Variants in PCDHA2 observed in about 807,000 individuals in gnomAD.
PCDHA2 encodes the protein protocadherin alpha-2.
Under a neutral mutation model 66.0 loss-of-function variants are expected in PCDHA2, and 58 were observed. The observed-to-expected ratio is 0.88, with a 90% CI of 0.71 to 1.09. PCDHA2 has a LOEUF of 1.09. PCDHA2 is among the 50% of genes least tolerant of loss of function. PCDHA2 has a pLI of 0.00. For missense variants in PCDHA2, 1,267 were observed against 1,242.3 expected, an observed-to-expected ratio of 1.02 and a Z score of -0.30; for synonymous variants, 634 against 554.0, an observed-to-expected ratio of 1.14 and a Z score of -2.03.
intron 1 of PCDHA2, chr5:140,928,095 G>A (rs782045221): frequency 6.2e-7 from 1 of 1,614,190 alleles, no homozygotes; most frequent in African/African-American, 1.3e-5. Flanking sequence ...TGATTGATGG[G>A]CCCCTGGACC....
intron 1 of PCDHA2, among the ~76,000 whole-genome samples, chr5:140,917,330 A>AGGGGGGGGGGG (rs1425400137): frequency 9.7e-6 from 1 of 103,190 alleles, no homozygotes. Flanking sequence ...GTGGCGGGGG[A>AGGGGGGGGGGG]GGGGGGGGAT....
chr5:140,850,234 T>A lies in PCDHA2; in HGVS notation c.2388+52882T>A, dbSNP rs2150474836. The A allele has an allele frequency of 8.5e-5, 136 of 1,593,694 alleles. 18 individuals carry two copies. Among genetic ancestry groups the A allele is most frequent in the Non-Finnish European group, 1.1e-4 (134 of 1,167,462 alleles). Reference sequence around the variant, plus strand: ...GGCACTGACGGCGCAGTGAGCGAGATGGTGCTGCGGTCGGTGGGCGCCGGC... The same window carrying A: ...GGCACTGACGGCGCAGTGAGCGAGAAGGTGCTGCGGTCGGTGGGCGCCGGC... On this transcript the variant is annotated intron_variant, in intron 1 of 3. Coordinates refer to ENST00000526136, the MANE Select transcript of PCDHA2 (RefSeq NM_018905.3).
intron 1 of PCDHA2, chr5:140,830,847 A>G (rs1474547924): frequency 6.5e-6 from 1 of 153,834 alleles, no homozygotes; most frequent in Non-Finnish European, 1.4e-5. Context: ...TTTTACATAT[A>G]CTCTTTTTTG....
In PCDHA2 at chr5:140,830,599, CAT is replaced by C. The variant is rs1289049837; in HGVS notation, c.2388+33250_2388+33251del. On this transcript the variant is annotated intron_variant, in intron 1 of 3. Coordinates refer to ENST00000526136, the MANE Select transcript of PCDHA2 (RefSeq NM_018905.3). ...ATTTTTAATTAATTTTACAAAATTA[CAT>C]ATTTTCATTTTATTGTGTTTCTTAT... The C allele has an allele frequency of 6.0e-6, 4 of 668,838 alleles. No individual in the cohort carries two copies. The African/African-American group carries it at 7.6e-5, about 13-fold the overall frequency. The allele number at this position is 668,838 out of a possible 1,614,324, so 41.4% of individuals were successfully genotyped here. A position where few individuals can be genotyped will look rare whatever the true frequency, so the allele number is the denominator to read the frequency against.
intron 1 of PCDHA2, among the ~76,000 whole-genome samples, chr5:140,897,495 A>G (rs1208374175): frequency 1.2e-4 from 19 of 152,006 alleles, no homozygotes; most frequent in Admixed American, 9.8e-4. Flanking sequence ...AATTTCAACC[A>G]TGTCCCTACA....
chr5:140,916,520 G>C (rs1339531103), intron 1 of PCDHA2, among the ~76,000 whole-genome samples: 1 of 152,112 alleles, frequency 6.6e-6, no homozygotes, highest in African/African-American at 2.4e-5. Context: ...GCCAAGACTG[G>C]GTCCTTCCCA....
chr5:140,949,892 C>G (rs2094430270), intron 1 of PCDHA2, among the ~76,000 whole-genome samples: 1 of 151,674 alleles, frequency 6.6e-6, no homozygotes, highest in African/African-American at 2.4e-5. Context: ...TCCTCAGAAT[C>G]TCTTTTAATT....
intron 1 of PCDHA2, among the ~76,000 whole-genome samples, chr5:140,919,697 A>G (rs1395748776): frequency 1.3e-5 from 2 of 152,188 alleles, no homozygotes; most frequent in Non-Finnish European, 2.9e-5. Flanking sequence ...GATTTATATT[A>G]ACTTAATTCT....
At chr5:140,867,777 A>C (rs1477276984) in intron 1 of PCDHA2, 1 of 152,128 alleles carries the variant, frequency 6.6e-6, no homozygotes, top group Non-Finnish European at 1.5e-5. Context: ...CTCATAAGCA[A>C]TTCCTGTATT....
intron 1 of PCDHA2, among the ~76,000 whole-genome samples, chr5:140,890,111 A>G (rs1365246358): frequency 6.6e-6 from 1 of 152,194 alleles, no homozygotes; most frequent in Admixed American, 6.5e-5. Context: ...TCTGGATTCA[A>G]TGATGTCACT....
At chr5:140,829,528 G>T (rs1554132046) in intron 1 of PCDHA2, 12 of 1,613,294 alleles carry the variant, frequency 7.4e-6, no homozygotes, top group Non-Finnish European at 1.0e-5. Flanking sequence ...CGGTGTCTGC[G>T]CGAGACGCGG....
At chr5:140,852,582 A>ATT (rs2150518947) in intron 1 of PCDHA2, 15,949 of 691,778 alleles carry the variant, frequency 0.023, 320 homozygotes, top group Middle Eastern at 0.03. Context: ...AGGCTTTTTT[A>ATT]TTTTTTTTTT....
chr5:140,957,694 C>T (rs269548), intron 1 of PCDHA2, among the ~76,000 whole-genome samples: 31,397 of 151,782 alleles, frequency 0.21, 4,012 homozygotes, highest in African/African-American at 0.36. Flanking sequence ...AGACAATGAA[C>T]ATTATGTAGT....
chr5:140,808,794 C>T, intron 1 of PCDHA2: 1 of 1,612,626 alleles, frequency 6.2e-7, no homozygotes, highest in Non-Finnish European at 8.5e-7. Flanking sequence ...TTTCAGGTGA[C>T]CGCTCGCGAT....
intron 1 of PCDHA2, chr5:140,828,936 A>G (rs1554131652): frequency 3.1e-6 from 5 of 1,614,144 alleles, no homozygotes; most frequent in Non-Finnish European, 4.2e-6. Flanking sequence ...TATTCTTTTA[A>G]TAGCCTTGTT....
In PCDHA2 at chr5:141,010,203, C is replaced by T; in HGVS notation, c.*266C>T. ...AGACCCAAGTTTCCTTTCTCCTCCG[C>T]CGCAAAGGAGAGGCTTCCCAGCCCC... On this transcript the variant is annotated 3_prime_UTR_variant, in exon 4 of 4. Coordinates refer to ENST00000526136, the MANE Select transcript of PCDHA2 (RefSeq NM_018905.3). The T allele has an allele frequency of 1.3e-6, 2 of 1,552,032 alleles. No homozygotes were observed. Among genetic ancestry groups the T allele is most frequent in the Non-Finnish European group, 1.7e-6 (2 of 1,147,066 alleles).
At chr5:140,825,229 A>G (rs1768482115) in intron 1 of PCDHA2, 1 of 151,364 alleles carries the variant, frequency 6.6e-6, no homozygotes, top group Admixed American at 6.6e-5. Context: ...TTTTTCTTTT[A>G]TCTGGATCTA....
intron 1 of PCDHA2, among the ~76,000 whole-genome samples, chr5:140,827,481 A>C (rs555131112): frequency 1.3e-5 from 2 of 152,252 alleles, no homozygotes; most frequent in Admixed American, 1.3e-4. Flanking sequence ...TTGAACAAAG[A>C]AAGCATGGAC....
intron 3 of PCDHA2, among the ~76,000 whole-genome samples, chr5:141,006,182 T>G (rs1388785445): frequency 1.3e-5 from 2 of 151,170 alleles, no homozygotes; most frequent in Non-Finnish European, 2.9e-5. Flanking sequence ...TTTAAAAGAG[T>G]TTGCTATATG....
Sources: gnomAD v4.1 joint callset for allele counts (sites outside exome capture counted in the v4.1 genomes callset) on GRCh38, gnomAD v4.1.1 for gene constraint, MANE v1.5 for transcripts, NCBI Gene and HGNC (gene_info 2026-07-23, HGNC 2026-07-21) for gene names.